The following AP1G1 variants were observed in gnomAD, a reference collection of about 807,000 sequenced individuals.
The protein encoded by AP1G1 is AP-1 complex subunit gamma-1.
AP1G1 carries 7 observed loss-of-function variants against 108.3 expected under a neutral mutation model. That is an observed-to-expected ratio of 0.06 (90% confidence interval 0.04 to 0.12). The LOEUF (loss-of-function observed/expected upper bound fraction) is 0.12. AP1G1 is among the 10% of genes least tolerant of loss of function. AP1G1 has a pLI of 1.00. For synonymous variants in AP1G1, 379 were observed against 353.5 expected, an observed-to-expected ratio of 1.07 and a Z score of -0.81; for missense variants, 756 against 1,010.7, an observed-to-expected ratio of 0.75 and a Z score of 3.42.
intron 2 of AP1G1, among the ~76,000 whole-genome samples, chr16:71,788,821 C>G (rs1286441353): frequency 4.4e-5 from 4 of 90,260 alleles, no homozygotes; most frequent in Non-Finnish European, 9.3e-5. Flanking sequence ...TCTACCACAC[C>G]ATGCTTTTTT....
intron 1 of AP1G1, among the ~76,000 whole-genome samples, chr16:71,796,291 G>T (rs879779941): frequency 6.6e-6 from 1 of 152,162 alleles, no homozygotes; most frequent in Non-Finnish European, 1.5e-5. Flanking sequence ...CTGGTCTTTA[G>T]AGAGGCAAAC....
rs1567638675 is a variant in AP1G1, at chr16:71,736,120, AT to A, written c.2269-1414del. ...TCTCAAAAAAAAAAAAAAAAAAAAT[AT>A]ATATATATATATATATATATATATA... is the stretch of plus-strand genomic sequence containing the variant. On this transcript the variant is annotated intron_variant, in intron 21 of 22. Transcript: ENST00000299980. Among the ~76,000 whole-genome samples the A allele has an allele frequency of 9.3e-3, 685 of 73,304 alleles. 11 individuals are homozygous for A. The highest frequency in any genetic ancestry group is 0.025 in the African/African-American group (478 of 18,918). The allele number at this position is 73,304 out of a possible 152,430, so 48.1% of individuals were successfully genotyped here. A position where few individuals can be genotyped will look rare whatever the true frequency, so the allele number is the denominator to read the frequency against.
At chr16:71,783,904 G>T (rs184211076) in intron 2 of AP1G1, among the ~76,000 whole-genome samples, 1 of 152,086 alleles carries the variant, frequency 6.6e-6, no homozygotes, top group African/African-American at 2.4e-5. Flanking sequence ...ATTTGGCCCC[G>T]AGCCACCAGT....
chr16:71,765,610 A>G, intron 6 of AP1G1, 26 bp from the exon 7 acceptor site: 5 of 1,549,860 alleles, frequency 3.2e-6, no homozygotes, highest in Non-Finnish European at 4.5e-6. Flanking sequence ...ATGCATCAAA[A>G]AACAGTGAAT....
intron 1 of AP1G1, among the ~76,000 whole-genome samples, chr16:71,802,918 G>C (rs998868868): frequency 6.6e-6 from 1 of 151,900 alleles, no homozygotes; most frequent in Non-Finnish European, 1.5e-5. Context: ...ATCTTTGAAA[G>C]ATTTAAAATA....
At position 71,808,777 on chromosome 16, in the gene AP1G1, G is replaced by A. The variant is rs1445685147; in HGVS notation, c.-18C>T. The A allele has an allele frequency of 3.9e-6, 5 of 1,289,526 alleles. No homozygotes were observed. The South Asian group carries it at 6.2e-5, about 16-fold the overall frequency. 79.9% of individuals were successfully genotyped at this position (1,289,526 alleles called of 1,614,324 possible). ...GTGACACTCACCGGCCCGAAACCTC[G>A]AATGAAACCAGCAGCTCCGGGGGCG... On this transcript the variant is annotated 5_prime_UTR_variant, in exon 1 of 23. Coordinates refer to ENST00000299980, the MANE Select transcript of AP1G1 (RefSeq NM_001128.6).
In AP1G1 at chr16:71,749,915, A is replaced by C. The variant is rs1222463777; in HGVS notation, c.1476T>G (p.Cys492Trp). ...EYGDLLVSGQ[C>W]EEEEPIQVTE... ...GTACCTGAATAGGCTCTTCCTCTTC[A>C]CACTGGCCAGATACAAGAAGATCAC... The change falls in exon 15 of 23, where the codon TGT becomes TGG. Residue 492 changes from cysteine to tryptophan, a missense_variant. Cys to Trp is a radical substitution (Grantham distance 215, BLOSUM62 -2). Around this residue, in one of 3 missense-constraint regions of AP1G1, gnomAD observed 357 missense variants for 366.5 expected, o/e 0.97. Coordinates refer to ENST00000299980, the MANE Select transcript of AP1G1 (RefSeq NM_001128.6). 3 of 1,611,166 alleles carry C rather than the reference A, an allele frequency of 1.9e-6. No homozygotes were observed. Among genetic ancestry groups the C allele is most frequent in the Non-Finnish European group, 2.5e-6 (3 of 1,177,348 alleles).
In AP1G1 at chr16:71,781,275, T is replaced by C. The variant is rs188581669; in HGVS notation, c.202-6683A>G. 7.2e-5 allele frequency among the ~76,000 whole-genome samples: 11 copies of C among 152,310 alleles called. No individual in the cohort carries two copies. The East Asian group carries it at 2.1e-3, about 29-fold the overall frequency. On this transcript the variant is annotated intron_variant, in intron 2 of 22. Transcript: ENST00000299980. ...ACCAGAGTCTGTTTCTTCATTCTTC[T>C]GGCAGAAAAACAAAAAACAAAAACC...
chr16:71,743,640 A>G (rs1031159657), intron 19 of AP1G1: 1 of 150,536 alleles, frequency 6.6e-6, no homozygotes. Flanking sequence ...CCTTTCAGCT[A>G]TACTTTACAC....
intron 1 of AP1G1, among the ~76,000 whole-genome samples, chr16:71,794,068 TAA>T (rs2032497110): frequency 6.6e-6 from 1 of 152,144 alleles, no homozygotes; most frequent in South Asian, 2.1e-4. Flanking sequence ...GTGGTTAAAA[TAA>T]GATTAACATT....
At position 71,784,281 on chromosome 16, in the gene AP1G1, A is replaced by T. The variant is rs146424915; in HGVS notation, c.201+4998T>A. 3.5e-3 allele frequency among the ~76,000 whole-genome samples: 529 copies of T among 152,350 alleles called. 1 individual carries two copies. The highest frequency in any genetic ancestry group is 0.01 in the Middle Eastern group (3 of 294). On this transcript the variant is annotated intron_variant, in intron 2 of 22. Transcript: ENST00000299980. ...TTTACAGATGAGGAAACTGAGACACAGAAAGGTTAAAGATCTTGCTCAAAG... is the reference window on the plus strand; with the variant it reads ...TTTACAGATGAGGAAACTGAGACACTGAAAGGTTAAAGATCTTGCTCAAAG...
intron 12 of AP1G1, among the ~76,000 whole-genome samples, chr16:71,754,763 G>A (rs2030690645): frequency 6.6e-6 from 1 of 151,956 alleles, no homozygotes; most frequent in South Asian, 2.1e-4. Flanking sequence ...CTGGGCCACT[G>A]CCCTCCAGCC....
intron 7 of AP1G1, among the ~76,000 whole-genome samples, 157 bp downstream of exon 7, chr16:71,765,332 C>T (rs2031269986): frequency 6.6e-6 from 1 of 152,186 alleles, no homozygotes; most frequent in African/African-American, 2.4e-5. Context: ...TAATTGTATC[C>T]TCTTAATCTA....
chr16:71,746,754 T>G, intron 16 of AP1G1, 62 bp from the exon 17 acceptor site: 2 of 1,255,222 alleles, frequency 1.6e-6, no homozygotes, highest in Non-Finnish European at 2.3e-6. Context: ...TAAGCAGAGA[T>G]AATGTTTAAT....
intron 4 of AP1G1, among the ~76,000 whole-genome samples, chr16:71,771,694 CA>C (rs2031578331): frequency 6.6e-6 from 1 of 152,030 alleles, no homozygotes; most frequent in African/African-American, 2.4e-5. Flanking sequence ...ATGAATTTAT[CA>C]AAAAGTTAAA....
At position 71,758,819 on chromosome 16, in the gene AP1G1, G is replaced by A. The variant is rs1484015938; in HGVS notation, c.1077C>T (p.Val359=). 6.3e-7 allele frequency: 1 copy of A among 1,594,602 alleles called. No homozygotes were observed. Among genetic ancestry groups the A allele is most frequent in the Non-Finnish European group, 8.5e-7 (1 of 1,169,894 alleles). ...TCTCAGTTTGTTACCGTTTTATTGA[G>A]ACATCCAAATCTTTAAGACAGTCCA... ...TIVDCLKDLD[V]SIKRRAMELS... Residue 359 remains valine, a synonymous_variant, in exon 11 of 23, where the codon GTC becomes GTT. Transcript: ENST00000299980.
intron 1 of AP1G1, among the ~76,000 whole-genome samples, chr16:71,805,760 T>C (rs2142292173): frequency 6.6e-6 from 1 of 152,222 alleles, no homozygotes; most frequent in South Asian, 2.1e-4. Context: ...TTTGGCCAGG[T>C]GAGGTGGCTC....
chr16:71,796,866 G>T (rs1387324009), intron 1 of AP1G1, among the ~76,000 whole-genome samples: 1 of 151,942 alleles, frequency 6.6e-6, no homozygotes, highest in Non-Finnish European at 1.5e-5. Flanking sequence ...CAATTCAACA[G>T]CACTGAGATG....
intron 1 of AP1G1, chr16:71,807,922 G>C (rs936969921): frequency 1.6e-6 from 2 of 1,278,274 alleles, no homozygotes; most frequent in Non-Finnish European, 1.0e-6. Flanking sequence ...AGCACAGGGA[G>C]GGAATCCACA....
Sources: allele counts gnomAD v4.1 joint callset (sites outside exome capture counted in the v4.1 genomes callset), GRCh38; gene constraint gnomAD v4.1.1; regional missense constraint gnomAD v4.1.1; transcripts MANE v1.5; gene names NCBI Gene and HGNC (gene_info 2026-07-23, HGNC 2026-07-21).